CCDC60: variants seen among roughly 807,000 people sequenced by gnomAD.
CCDC60 encodes the protein coiled-coil domain-containing protein 60.
Under a neutral mutation model 63.5 loss-of-function variants are expected in CCDC60, and 54 were observed. The ratio of observed to expected loss-of-function variants is 0.85; its 90% confidence interval spans 0.68 to 1.07. CCDC60 has a LOEUF of 1.07. CCDC60 is among the 50% of genes least tolerant of loss of function. The pLI is 0.00. For synonymous variants in CCDC60, 206 were observed against 238.8 expected (o/e 0.86, Z 1.27); for missense variants, 651 against 684.3 (o/e 0.95, Z 0.54).
chr12:119,364,707 G>C (rs1402999192), intron 1 of CCDC60, among the ~76,000 whole-genome samples: 3 of 152,144 alleles, frequency 2.0e-5, no homozygotes, highest in African/African-American at 7.2e-5. Flanking sequence ...GCCCACACTG[G>C]TAACAGAGCA....
Position 119,469,850 on chromosome 12 carries a change from A to G in CCDC60, c.171-2144A>G, listed in dbSNP as rs531758192. 1.2e-4 allele frequency among the ~76,000 whole-genome samples: 19 copies of G among 152,356 alleles called. No individual in the cohort carries two copies. In the South Asian group the frequency reaches 3.9e-3, roughly 32 times the overall value. On this transcript the variant is annotated intron_variant, in intron 2 of 13. Coordinates refer to ENST00000327554, the MANE Select transcript of CCDC60 (RefSeq NM_178499.5). Reference sequence around the variant, plus strand: ...ACACAGGCCGATGCAATAGAAATGTACAAAATGAATTGATCTAGCATATAA... The same window carrying G: ...ACACAGGCCGATGCAATAGAAATGTGCAAAATGAATTGATCTAGCATATAA...
chr12:119,371,055 A>T (rs911456795), intron 1 of CCDC60, among the ~76,000 whole-genome samples: 1 of 152,128 alleles, frequency 6.6e-6, no homozygotes, highest in African/African-American at 2.4e-5. Context: ...AAAATAAAAT[A>T]GTAGCTTTTT....
chr12:119,463,564 G>A (rs1165062969), intron 2 of CCDC60, among the ~76,000 whole-genome samples: 3 of 152,224 alleles, frequency 2.0e-5, no homozygotes, highest in Non-Finnish European at 4.4e-5. Context: ...ATTAACACAC[G>A]TGCCCAAGAA....
chr12:119,499,069 A>G (rs1371943213), intron 5 of CCDC60, among the ~76,000 whole-genome samples: 2 of 152,200 alleles, frequency 1.3e-5, no homozygotes, highest in South Asian at 4.1e-4. Context: ...ATATTCATGT[A>G]TTTGGTTACA....
chr12:119,483,745 G>C (rs1017085762), intron 4 of CCDC60, among the ~76,000 whole-genome samples: 3 of 152,154 alleles, frequency 2.0e-5, no homozygotes, highest in Admixed American at 2.0e-4. Context: ...GCACTCGCCC[G>C]GAGTTCTGAG....
intron 13 of CCDC60, among the ~76,000 whole-genome samples, chr12:119,532,574 C>T (rs977292504): frequency 6.6e-6 from 1 of 151,924 alleles, no homozygotes; most frequent in African/African-American, 2.4e-5. Flanking sequence ...TCCCCTAGAC[C>T]CCCATCCCCT....
intron 13 of CCDC60, among the ~76,000 whole-genome samples, chr12:119,534,847 T>C (rs1292773469): frequency 1.3e-5 from 2 of 152,208 alleles, no homozygotes; most frequent in Non-Finnish European, 2.9e-5. Flanking sequence ...TTCACATCGA[T>C]GTTCATCAGG....
intron 2 of CCDC60, among the ~76,000 whole-genome samples, chr12:119,439,149 G>T (rs1950385643): frequency 1.6e-5 from 1 of 62,998 alleles, no homozygotes; most frequent in Non-Finnish European, 3.1e-5. Context: ...CCTTTTCTGG[G>T]CAAAAAAAAA....
At chr12:119,485,569 C>G (rs1951419692) in intron 4 of CCDC60, among the ~76,000 whole-genome samples, 1 of 152,166 alleles carries the variant, frequency 6.6e-6, no homozygotes. Flanking sequence ...CCTGTCTTCT[C>G]TGTGTCCTCA....
intron 1 of CCDC60, among the ~76,000 whole-genome samples, chr12:119,416,856 CAT>C (rs1028432183): frequency 2.0e-5 from 3 of 152,286 alleles, no homozygotes; most frequent in Non-Finnish European, 4.4e-5. Context: ...CGACGTGGCT[CAT>C]GCCTGTAATC....
At chr12:119,405,675 T>G (rs1386164963) in intron 1 of CCDC60, among the ~76,000 whole-genome samples, 2 of 152,244 alleles carry the variant, frequency 1.3e-5, no homozygotes, top group African/African-American at 4.8e-5. Flanking sequence ...CACTTTTTGC[T>G]ACTTCCTCCA....
At chr12:119,403,101 T>C (rs2044000805) in intron 1 of CCDC60, among the ~76,000 whole-genome samples, 1 of 152,206 alleles carries the variant, frequency 6.6e-6, no homozygotes, top group Non-Finnish European at 1.5e-5. Flanking sequence ...ATGGCCAAGA[T>C]AGTCGCCAAG....
chr12:119,535,804 T>C (rs912863655), intron 13 of CCDC60, among the ~76,000 whole-genome samples: 3 of 152,208 alleles, frequency 2.0e-5, no homozygotes, highest in Non-Finnish European at 4.4e-5. Context: ...TTCTGCTCTT[T>C]TACATTTGCT....
intron 1 of CCDC60, among the ~76,000 whole-genome samples, chr12:119,377,126 G>A (rs868811065): frequency 2.6e-5 from 4 of 151,856 alleles, no homozygotes; most frequent in African/African-American, 7.2e-5. Context: ...GTGGTGGCAC[G>A]TGCCTGTAAT....
intron 1 of CCDC60, among the ~76,000 whole-genome samples, chr12:119,336,246 A>AT (rs939432403): frequency 5.4e-5 from 8 of 147,338 alleles, no homozygotes; most frequent in Admixed American, 4.1e-4. Flanking sequence ...AAGTATAATA[A>AT]TACAAAAAAA....
At chr12:119,430,710 G>A (rs1950214565) in intron 2 of CCDC60, among the ~76,000 whole-genome samples, 1 of 150,692 alleles carries the variant, frequency 6.6e-6, no homozygotes, top group African/African-American at 2.4e-5. Context: ...GGACATAGCA[G>A]GAACTCAGCC....
At position 119,499,932 on chromosome 12, in the gene CCDC60, C is replaced by A. The variant is rs1042480259; in HGVS notation, c.558-146C>A. On this transcript the variant is annotated intron_variant, in intron 5 of 13. Coordinates refer to ENST00000327554, the MANE Select transcript of CCDC60 (RefSeq NM_178499.5). ...GCCAGCTATGGAGAACTATCCCCCC[C>A]ATTTCTTCACAAGTAGAGGAGTGGG... 5.8e-6 allele frequency: 4 copies of A among 686,606 alleles called. No individual in the cohort carries two copies. The Admixed American group carries it at 7.3e-5, about 13-fold the overall frequency. 42.5% of individuals were successfully genotyped at this position (686,606 alleles called of 1,614,324 possible).
At chr12:119,509,626 C>A (rs1163525422) in intron 7 of CCDC60, among the ~76,000 whole-genome samples, 1 of 150,152 alleles carries the variant, frequency 6.7e-6, no homozygotes, top group African/African-American at 2.5e-5. Context: ...ATCACATTTG[C>A]CCTATTTTTT....
intron 1 of CCDC60, among the ~76,000 whole-genome samples, chr12:119,418,358 TTTTC>T (rs1335435024): frequency 6.7e-6 from 1 of 149,482 alleles, no homozygotes; most frequent in African/African-American, 2.4e-5. Context: ...GCTATTATCT[TTTTC>T]TTTCTTTTTC....
Sources: gnomAD v4.1 joint callset for allele counts (sites outside exome capture counted in the v4.1 genomes callset) on GRCh38, gnomAD v4.1.1 for gene constraint, MANE v1.5 for transcripts, NCBI Gene and HGNC (gene_info 2026-07-23, HGNC 2026-07-21) for gene names.